Variants in BMPR1B observed in about 807,000 individuals in gnomAD.
BMPR1B encodes the protein bone morphogenetic protein receptor type-1B.
BMPR1B carries 12 observed loss-of-function variants against 59.1 expected under a neutral mutation model. The ratio of observed to expected loss-of-function variants is 0.20; its 90% confidence interval spans 0.13 to 0.33. The LOEUF (loss-of-function observed/expected upper bound fraction) is 0.33, where lower values mean the gene tolerates loss of function less well. Among genes scored for constraint, BMPR1B ranks in the 10% least tolerant of loss-of-function variants. The pLI is 1.00. For synonymous variants in BMPR1B, 237 were observed against 207.3 expected, an observed-to-expected ratio of 1.14 and a Z score of -1.23; for missense variants, 550 against 610.9, an observed-to-expected ratio of 0.90 and a Z score of 1.05.
intron 10 of BMPR1B, among the ~76,000 whole-genome samples, chr4:95,147,494 T>A (rs537053161): frequency 7.4e-4 from 113 of 152,204 alleles, no homozygotes; most frequent in African/African-American, 2.7e-3. Context: ...ATTCGATAAA[T>A]GAATCTGTTT....
intron 1 of BMPR1B, among the ~76,000 whole-genome samples, chr4:94,758,549 C>T (rs1357889706): frequency 6.6e-6 from 1 of 152,032 alleles, no homozygotes; most frequent in Non-Finnish European, 1.5e-5. Context: ...CAGGGCCAGC[C>T]CAGGCGGGAC....
intron 2 of BMPR1B, among the ~76,000 whole-genome samples, chr4:94,939,239 A>T (rs536777628): frequency 4.6e-5 from 7 of 152,324 alleles, no homozygotes; most frequent in African/African-American, 1.7e-4. Flanking sequence ...TAATTAAAAA[A>T]AAAGCTACAC....
At chr4:94,873,597 A>G (rs1361750081) in intron 1 of BMPR1B, among the ~76,000 whole-genome samples, 2 of 151,918 alleles carry the variant, frequency 1.3e-5, no homozygotes, top group Non-Finnish European at 2.9e-5. Flanking sequence ...TTTAGTAGAG[A>G]TGGGGTTTCA....
In BMPR1B at chr4:95,022,107, C is replaced by T. The variant is rs561692695; in HGVS notation, c.-18+25973C>T. Among the ~76,000 whole-genome samples, 100 of 152,170 alleles carry T rather than the reference C, an allele frequency of 6.6e-4. 3 individuals carry two copies. The highest frequency in any genetic ancestry group is 2.3e-3 in the African/African-American group (95 of 41,502). ...TCGTTAGATGGCGAGAGGCTTTGTC[C>T]GCAGAAACAAGAAGGCTCCTTCAGC... On this transcript the variant is annotated intron_variant, in intron 3 of 12. Transcript: ENST00000515059.
intron 2 of BMPR1B, among the ~76,000 whole-genome samples, chr4:94,983,250 T>C (rs1265668330): frequency 2.6e-5 from 4 of 152,186 alleles, no homozygotes; most frequent in Middle Eastern, 3.2e-3. Context: ...TTGCTTTTTT[T>C]CCCTATTTGT....
intron 1 of BMPR1B, among the ~76,000 whole-genome samples, chr4:94,853,215 G>A (rs1393368380): frequency 2.0e-5 from 3 of 152,106 alleles, no homozygotes; most frequent in Non-Finnish European, 2.9e-5. Context: ...TCATAACGTG[G>A]AGTTCATGAA....
At chr4:95,142,813 C>CT (rs11385949) in intron 10 of BMPR1B, among the ~76,000 whole-genome samples, 66,507 of 140,640 alleles carry the variant, frequency 0.47, 15,967 homozygotes, top group Admixed American at 0.59. Flanking sequence ...AGTTGGGGCT[C>CT]TTTTTTTTTT....
In BMPR1B at chr4:94,770,182, G is replaced by GTTTTTTTTTTTTTTTT. The variant is rs1215939344; in HGVS notation, c.-183+12117_-183+12118insTTTTTTTTTTTTTTTT. On this transcript the variant is annotated intron_variant, in intron 1 of 12. Coordinates refer to ENST00000515059, the MANE Select transcript of BMPR1B (RefSeq NM_001203.3). ...TGTTTGAATTGTCCTTCGTTTCTGT[G>GTTTTTTTTTTTTTTTT]TTTGTTTTTTTTTTTTTTTTTTGCG... 7.5e-4 allele frequency among the ~76,000 whole-genome samples: 30 copies of GTTTTTTTTTTTTTTTT among 39,986 alleles called. 5 individuals carry two copies. Among genetic ancestry groups the GTTTTTTTTTTTTTTTT allele is most frequent in the Non-Finnish European group, 1.1e-3 (23 of 20,544 alleles). The allele number at this position is 39,986 out of a possible 152,430, so 26.2% of individuals were successfully genotyped here.
intron 1 of BMPR1B, among the ~76,000 whole-genome samples, chr4:94,775,705 A>G (rs1378591382): frequency 6.6e-6 from 1 of 152,238 alleles, no homozygotes; most frequent in Non-Finnish European, 1.5e-5. Flanking sequence ...CAGAGCCTTA[A>G]TTAAAGTTTT....
At chr4:94,862,801 C>T (rs544255865) in intron 1 of BMPR1B, among the ~76,000 whole-genome samples, 13 of 151,832 alleles carry the variant, frequency 8.6e-5, no homozygotes, top group South Asian at 6.3e-4. Context: ...AAAAATTAGC[C>T]GGGCGTGGTT....
intron 10 of BMPR1B, among the ~76,000 whole-genome samples, chr4:95,133,137 C>T (rs1479892649): frequency 6.6e-6 from 1 of 152,174 alleles, no homozygotes; most frequent in Non-Finnish European, 1.5e-5. Flanking sequence ...AATTTTCTTT[C>T]CACAATATTC....
At chr4:94,803,490 G>A (rs997903) in intron 1 of BMPR1B, among the ~76,000 whole-genome samples, 1 of 151,978 alleles carries the variant, frequency 6.6e-6, no homozygotes, top group African/African-American at 2.4e-5. Context: ...GAGTTGACAC[G>A]TGTCTACTTA....
At chr4:95,101,552 T>C (rs1246828022) in intron 3 of BMPR1B, among the ~76,000 whole-genome samples, 1 of 152,198 alleles carries the variant, frequency 6.6e-6, no homozygotes, top group Non-Finnish European at 1.5e-5. Flanking sequence ...TGGAGCCTTT[T>C]TGGTGTTAAG....
intron 2 of BMPR1B, among the ~76,000 whole-genome samples, chr4:94,957,873 G>C (rs990190125): frequency 4.6e-5 from 7 of 151,770 alleles, no homozygotes; most frequent in Non-Finnish European, 8.8e-5. Flanking sequence ...TGTATACGGT[G>C]GGTTATCACT....
chr4:95,123,979 C>G (rs950883434), intron 7 of BMPR1B, 73 bp downstream of exon 7: 1 of 1,063,660 alleles, frequency 9.4e-7, no homozygotes, highest in Admixed American at 1.8e-5. Flanking sequence ...CTGCTTTTGC[C>G]TGTTAGTGTT....
intron 3 of BMPR1B, among the ~76,000 whole-genome samples, chr4:95,009,407 G>A (rs1446744146): frequency 1.3e-5 from 2 of 152,014 alleles, no homozygotes; most frequent in Non-Finnish European, 2.9e-5. Flanking sequence ...CTGATAAGTT[G>A]GAAAATATTT....
intron 1 of BMPR1B, among the ~76,000 whole-genome samples, chr4:94,833,512 C>T (rs1231829053): frequency 6.6e-6 from 1 of 152,082 alleles, no homozygotes; most frequent in Non-Finnish European, 1.5e-5. Context: ...GTTATTAGAT[C>T]TCAGTGTTCT....
intron 1 of BMPR1B, among the ~76,000 whole-genome samples, chr4:94,797,053 C>G (rs760111444): frequency 6.6e-6 from 1 of 152,154 alleles, no homozygotes; most frequent in African/African-American, 2.4e-5. Context: ...ATTGGACTTA[C>G]AGTTCCACAT....
intron 2 of BMPR1B, among the ~76,000 whole-genome samples, chr4:94,908,197 A>G (rs17022515): frequency 0.026 from 3,873 of 151,618 alleles, 152 homozygotes; most frequent in African/African-American, 0.088. Flanking sequence ...GATATTTTTC[A>G]TAAGAATTGC....
Sources: gnomAD v4.1 joint callset for allele counts (sites outside exome capture counted in the v4.1 genomes callset) on GRCh38, gnomAD v4.1.1 for gene constraint, MANE v1.5 for transcripts, NCBI Gene and HGNC (gene_info 2026-07-23, HGNC 2026-07-21) for gene names.